Variants in ARL15 observed in about 807,000 individuals in gnomAD.
ARL15 encodes ARF like GTPase 15.
In ARL15, 19 loss-of-function variants were observed where a neutral mutation model predicts 25.2. The observed-to-expected ratio is 0.75, with a 90% CI of 0.53 to 1.10. ARL15 has a LOEUF of 1.10. Among genes scored for constraint, ARL15 ranks in the 50% least tolerant of loss-of-function variants. The pLI, the probability that ARL15 is intolerant of heterozygous loss-of-function variation, is 0.00. For missense variants in ARL15, 220 were observed against 246.0 expected (o/e 0.89, Z 0.71); for synonymous variants, 94 against 86.8 (o/e 1.08, Z -0.46).
intron 2 of ARL15, 66 bp from the exon 3 acceptor site, chr5:54,154,705 C>T (rs1421716221): frequency 1.1e-6 from 1 of 936,462 alleles, no homozygotes; most frequent in Non-Finnish European, 1.6e-6. Flanking sequence ...ACTTAGGATG[C>T]TCAAATTGTC....
chr5:54,142,489 G>C (rs920903332), intron 3 of ARL15, among the ~76,000 whole-genome samples: 14 of 152,224 alleles, frequency 9.2e-5, no homozygotes, highest in African/African-American at 2.9e-4. Context: ...GAACAACTCA[G>C]AACAGAGGAC....
At chr5:54,238,572 T>C (rs1756869621) in intron 1 of ARL15, among the ~76,000 whole-genome samples, 1 of 152,194 alleles carries the variant, frequency 6.6e-6, no homozygotes, top group African/African-American at 2.4e-5. Flanking sequence ...AGTGGCTATC[T>C]CTAAAGCCAT....
chr5:53,926,613 C>CA (rs1246903458), intron 4 of ARL15, among the ~76,000 whole-genome samples: 1 of 152,148 alleles, frequency 6.6e-6, no homozygotes, highest in East Asian at 1.9e-4. Context: ...AGCAAATTGA[C>CA]AGTGAGTGGC....
intron 3 of ARL15, among the ~76,000 whole-genome samples, chr5:54,153,508 A>T (rs866539554): frequency 6.6e-6 from 1 of 152,212 alleles, no homozygotes; most frequent in Non-Finnish European, 1.5e-5. Context: ...AAAAATTATT[A>T]TAAGAACATT....
intron 4 of ARL15, among the ~76,000 whole-genome samples, chr5:54,045,734 T>C (rs542484478): frequency 1.2e-4 from 18 of 152,070 alleles, no homozygotes; most frequent in Non-Finnish European, 2.5e-4. Context: ...CTTGCCAAGG[T>C]TGTAGGTTCA....
At chr5:54,067,327 G>C (rs999484332) in intron 4 of ARL15, among the ~76,000 whole-genome samples, 2 of 152,102 alleles carry the variant, frequency 1.3e-5, no homozygotes, top group Non-Finnish European at 1.5e-5. Flanking sequence ...ACTTACACTT[G>C]TATAAATTCT....
intron 1 of ARL15, among the ~76,000 whole-genome samples, chr5:54,197,688 T>C (rs1755591655): frequency 1.3e-5 from 2 of 151,584 alleles, no homozygotes. Flanking sequence ...CAGGACCAGA[T>C]GGATTCACAG....
chr5:54,197,169 T>A (rs896821990), intron 1 of ARL15, among the ~76,000 whole-genome samples: 1 of 152,108 alleles, frequency 6.6e-6, no homozygotes, highest in Non-Finnish European at 1.5e-5. Context: ...TGAAGTGTAG[T>A]AGCAGAGTCC....
chr5:54,259,336 T>C (rs1331453092), intron 1 of ARL15, among the ~76,000 whole-genome samples: 1 of 152,184 alleles, frequency 6.6e-6, no homozygotes, highest in Non-Finnish European at 1.5e-5. Context: ...CATCCATTCC[T>C]GATGACTCAC....
At chr5:54,058,651 G>T (rs1013618740) in intron 4 of ARL15, among the ~76,000 whole-genome samples, 10 of 152,200 alleles carry the variant, frequency 6.6e-5, no homozygotes, top group African/African-American at 1.9e-4. Context: ...CCCGTGTCAG[G>T]TTCAAGGAGC....
intron 2 of ARL15, among the ~76,000 whole-genome samples, chr5:54,166,520 T>C (rs145086390): frequency 6.6e-6 from 1 of 152,066 alleles, no homozygotes; most frequent in African/African-American, 2.4e-5. Flanking sequence ...TTCCTTTTGT[T>C]TGGGGTTCAG....
chr5:53,920,224 A>C (rs1262290279), intron 4 of ARL15, among the ~76,000 whole-genome samples: 1 of 152,180 alleles, frequency 6.6e-6, no homozygotes, highest in African/African-American at 2.4e-5. Context: ...TTTTTGGTAG[A>C]GTAGCCCAAT....
At chr5:54,111,537 A>G (rs1752740196) in intron 4 of ARL15, among the ~76,000 whole-genome samples, 1 of 152,106 alleles carries the variant, frequency 6.6e-6, no homozygotes, top group Non-Finnish European at 1.5e-5. Context: ...ACTTTCAATT[A>G]TATGATGTCT....
Position 53,886,487 on chromosome 5 carries a change from C to G in ARL15, c.*74G>C, listed in dbSNP as rs1239884575. The G allele has an allele frequency of 5.4e-6, 8 of 1,478,704 alleles. No individual in the cohort carries two copies. Among genetic ancestry groups the G allele is most frequent in the Non-Finnish European group, 7.2e-6 (8 of 1,112,190 alleles). 91.6% of individuals were successfully genotyped at this position (1,478,704 alleles called of 1,614,324 possible). A position where few individuals can be genotyped will look rare whatever the true frequency, so the allele number is the denominator to read the frequency against. On this transcript the variant is annotated 3_prime_UTR_variant, in exon 5 of 5. Transcript: ENST00000504924. ...ACTGAAGCCAATATAGTCTTGATAC[C>G]AAAATAAAATTAAAATGAGAAACTA... is the stretch of plus-strand genomic sequence containing the variant.
chr5:53,899,687 C>T (rs1745001289), intron 4 of ARL15, among the ~76,000 whole-genome samples: 2 of 151,984 alleles, frequency 1.3e-5, no homozygotes, highest in South Asian at 4.2e-4. Flanking sequence ...TATTCTTTTC[C>T]TTGTTTTCTT....
At chr5:54,085,441 T>A (rs1326151789) in intron 4 of ARL15, among the ~76,000 whole-genome samples, 1 of 152,164 alleles carries the variant, frequency 6.6e-6, no homozygotes, top group Non-Finnish European at 1.5e-5. Context: ...TGAGAATAAG[T>A]TTTTTTAGAA....
At chr5:54,176,585 AAC>A (rs1754879421) in intron 1 of ARL15, among the ~76,000 whole-genome samples, 1 of 152,248 alleles carries the variant, frequency 6.6e-6, no homozygotes, top group African/African-American at 2.4e-5. Flanking sequence ...TACAATGCGA[AAC>A]ACAATGCTGT....
intron 4 of ARL15, among the ~76,000 whole-genome samples, chr5:54,043,117 G>A (rs887169964): frequency 6.6e-6 from 1 of 151,858 alleles, no homozygotes; most frequent in Non-Finnish European, 1.5e-5. Context: ...GTCTTTTGGG[G>A]CTGTAAAACA....
At chr5:54,056,313 C>T (rs553722589) in intron 4 of ARL15, among the ~76,000 whole-genome samples, 33 of 152,032 alleles carry the variant, frequency 2.2e-4, no homozygotes, top group African/African-American at 8.0e-4. Context: ...ACAGAAGGGT[C>T]GGGGAAGGGG....
Sources: allele counts gnomAD v4.1 joint callset (sites outside exome capture counted in the v4.1 genomes callset), GRCh38; gene constraint gnomAD v4.1.1; transcripts MANE v1.5; gene names NCBI Gene and HGNC (gene_info 2026-07-23, HGNC 2026-07-21).